Variants in DPP10 observed in about 807,000 individuals in gnomAD.
The protein encoded by DPP10 is dipeptidyl peptidase like 10, also known as inactive dipeptidyl peptidase 10.
In DPP10, 33 loss-of-function variants were observed where a neutral mutation model predicts 120.9. That is an observed-to-expected ratio of 0.27 (90% CI 0.21 to 0.37). The LOEUF (loss-of-function observed/expected upper bound fraction) is 0.37. Among genes scored for constraint, DPP10 ranks in the 10% least tolerant of loss-of-function variants. The pLI, the probability that DPP10 is intolerant of heterozygous loss-of-function variation, is 1.00. For missense variants in DPP10, 816 were observed against 942.8 expected (o/e 0.87, Z 1.76); for synonymous variants, 337 against 326.1 (o/e 1.03, Z -0.36).
chr2:115,161,984 C>A, intron 1 of DPP10: 1 of 1,406,402 alleles, frequency 7.1e-7, no homozygotes, highest in Non-Finnish European at 9.2e-7. Context: ...GGAGCCGCAG[C>A]CCACCCCGGG....
intron 1 of DPP10, among the ~76,000 whole-genome samples, chr2:115,265,958 A>G (rs1051457852): frequency 2.0e-5 from 3 of 152,046 alleles, no homozygotes; most frequent in African/African-American, 7.2e-5. Flanking sequence ...AAAAAAAAAA[A>G]AAATTTAGAA....
At chr2:115,249,541 T>C (rs1338030706) in intron 1 of DPP10, among the ~76,000 whole-genome samples, 1 of 152,088 alleles carries the variant, frequency 6.6e-6, no homozygotes, top group African/African-American at 2.4e-5. Flanking sequence ...TTTCATACCA[T>C]AATAAGGAGT....
intron 5 of DPP10, among the ~76,000 whole-genome samples, chr2:115,585,447 G>T (rs1187207901): frequency 1.3e-5 from 2 of 152,172 alleles, no homozygotes; most frequent in African/African-American, 4.8e-5. Flanking sequence ...ACTATTTGTT[G>T]TTGCTAATTG....
intron 2 of DPP10, among the ~76,000 whole-genome samples, chr2:115,331,910 C>T (rs1223313835): frequency 6.6e-6 from 1 of 151,986 alleles, no homozygotes; most frequent in Non-Finnish European, 1.5e-5. Context: ...CTCTGCCAGG[C>T]TTTGGTATCA....
At chr2:114,942,336 TATAC>T (rs1180236962) in intron 1 of DPP10, among the ~76,000 whole-genome samples, 1 of 112,722 alleles carries the variant, frequency 8.9e-6, no homozygotes, top group East Asian at 3.8e-4. Flanking sequence ...CACATATATA[TATAC>T]GTATATATAC....
intron 3 of DPP10, among the ~76,000 whole-genome samples, chr2:115,364,312 A>G (rs1235354460): frequency 1.3e-5 from 2 of 151,910 alleles, no homozygotes; most frequent in African/African-American, 2.4e-5. Context: ...TTGTGTAAAG[A>G]TCCTGTAACT....
rs75742341 is a variant in DPP10, at chr2:114,848,726, G to T, written c.60+405888G>T. Reference sequence around the variant, plus strand: ...AGGTTTGTTTGATTCAAGGGAAATTGAGAAGGTATGTGTTTCAAAGGAATA... The same window carrying T: ...AGGTTTGTTTGATTCAAGGGAAATTTAGAAGGTATGTGTTTCAAAGGAATA... On this transcript the variant is annotated intron_variant, in intron 1 of 25. Coordinates refer to ENST00000410059, the MANE Select transcript of DPP10 (RefSeq NM_020868.6). Among the ~76,000 whole-genome samples, 842 of 152,288 alleles carry T rather than the reference G, an allele frequency of 5.5e-3. 10 individuals are homozygous for T. Among genetic ancestry groups the T allele is most frequent in the Middle Eastern group, 0.024 (7 of 294 alleles).
Position 114,898,735 on chromosome 2 carries a change from C to T in DPP10, c.61-410504C>T, listed in dbSNP as rs574003097. ...TATTTCACTTTTCAATAGCTGATTTCACAAGAATGCAGCTCTCAAAGATAT... is the reference window on the plus strand; with the variant it reads ...TATTTCACTTTTCAATAGCTGATTTTACAAGAATGCAGCTCTCAAAGATAT... On this transcript the variant is annotated intron_variant, in intron 1 of 25. Coordinates refer to ENST00000410059, the MANE Select transcript of DPP10 (RefSeq NM_020868.6). Among the ~76,000 whole-genome samples, 3 of 152,300 alleles carry T rather than the reference C, an allele frequency of 2.0e-5. No homozygotes were observed. The South Asian group carries it at 6.2e-4, about 32-fold the overall frequency.
chr2:115,388,155 G>GGAAT (rs1337885001), intron 3 of DPP10, among the ~76,000 whole-genome samples: 2 of 152,158 alleles, frequency 1.3e-5, no homozygotes, highest in African/African-American at 4.8e-5. Flanking sequence ...CCGTGAGGTG[G>GGAAT]GAATGCATGT....
intron 1 of DPP10, among the ~76,000 whole-genome samples, chr2:115,285,410 C>G (rs2060324167): frequency 6.6e-6 from 1 of 151,978 alleles, no homozygotes; most frequent in Non-Finnish European, 1.5e-5. Context: ...ACAGAGTATA[C>G]TGGGATGGAT....
In DPP10 at chr2:115,075,768, T is replaced by C. The variant is rs552580327; in HGVS notation, c.61-233471T>C. 3.3e-5 allele frequency among the ~76,000 whole-genome samples: 5 copies of C among 152,238 alleles called. No individual in the cohort carries two copies. In the South Asian group the frequency reaches 1.0e-3, roughly 32 times the overall value. ...TCCATAATGAGAAAACACCTGCTTT[T>C]TAATTAAAATTCTATTTCTGTATAC... On this transcript the variant is annotated intron_variant, in intron 1 of 25. Transcript: ENST00000410059.
chr2:115,027,402 A>T (rs2105218178), intron 1 of DPP10, among the ~76,000 whole-genome samples: 1 of 152,078 alleles, frequency 6.6e-6, no homozygotes, highest in South Asian at 2.1e-4. Flanking sequence ...TGATAATATG[A>T]TGTATGTCAT....
chr2:115,288,410 C>T (rs1225091273), intron 1 of DPP10, among the ~76,000 whole-genome samples: 1 of 151,978 alleles, frequency 6.6e-6, no homozygotes, highest in African/African-American at 2.4e-5. Flanking sequence ...AATCCAACAT[C>T]TCTTTATGAT....
intron 1 of DPP10, among the ~76,000 whole-genome samples, chr2:114,988,240 TTGTTCAC>T (rs2104908316): frequency 6.6e-6 from 1 of 152,342 alleles, no homozygotes; most frequent in East Asian, 1.9e-4. Flanking sequence ...ATTATTGCCC[TTGTTCAC>T]TGAAGCAATC....
At chr2:114,866,432 A>G (rs1689038177) in intron 1 of DPP10, among the ~76,000 whole-genome samples, 1 of 152,174 alleles carries the variant, frequency 6.6e-6, no homozygotes, top group South Asian at 2.1e-4. Context: ...TAAGAAAAGG[A>G]TTATATAACT....
At chr2:114,760,153 C>G (rs1371562791) in intron 1 of DPP10, among the ~76,000 whole-genome samples, 1 of 152,194 alleles carries the variant, frequency 6.6e-6, no homozygotes, top group Admixed American at 6.5e-5. Flanking sequence ...ATCCTCTTTA[C>G]CAGGCAGGTG....
chr2:115,552,344 C>T (rs2079926527), intron 5 of DPP10, among the ~76,000 whole-genome samples: 1 of 152,114 alleles, frequency 6.6e-6, no homozygotes, highest in Admixed American at 6.6e-5. Context: ...AGGACAAAGT[C>T]TGTCACACAA....
chr2:115,491,982 G>A (rs1017133637), intron 3 of DPP10, among the ~76,000 whole-genome samples: 4 of 152,184 alleles, frequency 2.6e-5, no homozygotes, highest in Non-Finnish European at 5.9e-5. Flanking sequence ...TAGTTGTGAA[G>A]TAGATGGAGG....
chr2:114,825,748 G>C (rs1315183351), intron 1 of DPP10, among the ~76,000 whole-genome samples: 2 of 152,200 alleles, frequency 1.3e-5, no homozygotes, highest in African/African-American at 4.8e-5. Context: ...TGATGGAATA[G>C]ATATTCAACT....
Sources: allele counts gnomAD v4.1 joint callset (sites outside exome capture counted in the v4.1 genomes callset), GRCh38; gene constraint gnomAD v4.1.1; transcripts MANE v1.5; gene names NCBI Gene and HGNC (gene_info 2026-07-23, HGNC 2026-07-21).